ASIC4: variants seen among roughly 807,000 people sequenced by gnomAD.
ASIC4 encodes the protein acid-sensing ion channel 4.
A neutral mutation model predicts 53.4 loss-of-function variants in ASIC4; 28 were observed. The ratio of observed to expected loss-of-function variants is 0.52; its 90% CI spans 0.39 to 0.72. The LOEUF (loss-of-function observed/expected upper bound fraction) is 0.72. Ranked by LOEUF, ASIC4 falls within the 30% of genes least tolerant of loss-of-function variation. ASIC4 has a pLI of 0.00. For missense variants in ASIC4, 649 were observed against 729.7 expected (o/e 0.89, Z 1.27); for synonymous variants, 289 against 301.4 (o/e 0.96, Z 0.43).
intron 1 of ASIC4, among the ~76,000 whole-genome samples, chr2:219,522,740 G>T (rs1320093023): frequency 1.3e-5 from 2 of 152,002 alleles, no homozygotes; most frequent in African/African-American, 4.8e-5. Flanking sequence ...CCCCTCCCCG[G>T]CCGCCGCGGG....
chr2:219,511,011 C>T (rs571649561), upstream of ASIC4, among the ~76,000 whole-genome samples: 4 of 152,212 alleles, frequency 2.6e-5, no homozygotes, highest in African/African-American at 9.6e-5. This position sits in a 1 kb window ranked among gnomAD's most constrained non-coding sequence, Gnocchi z 5.3. Flanking sequence ...CCCAGCCCCC[C>T]CATCCTTGTC....
chr2:219,515,122 T>A lies in ASIC4; in HGVS notation c.398T>A (p.Ile133Asn). The change falls in exon 1 of 10, where the codon ATC (isoleucine) becomes AAC (asparagine). Residue 133 changes from isoleucine to asparagine, a missense_variant. Transcript: ENST00000358078. ...CATTCGGCACTCAGCGATGCCGACA[T>A]CTTCCACCTGGCCAATCTGACAGGG... is the stretch of plus-strand genomic sequence containing the variant. ...FRHSALSDAD[I>N]FHLANLTGLP... The A allele has an allele frequency of 6.2e-7, 1 of 1,614,120 alleles. No homozygotes were observed. The highest frequency in any genetic ancestry group is 8.5e-7 in the Non-Finnish European group (1 of 1,180,018).
At chr2:219,510,846 C>T (rs539932825), upstream of ASIC4, among the ~76,000 whole-genome samples, 1 of 152,056 alleles carries the variant, frequency 6.6e-6, no homozygotes, top group South Asian at 2.1e-4. This position sits in a 1 kb window ranked among gnomAD's most constrained non-coding sequence, Gnocchi z 5.2. Flanking sequence ...TCCCCACCCC[C>T]CTTCTCTGGG....
rs759549558 is a variant in ASIC4, at chr2:219,537,981, C to G, written c.1555C>G (p.Leu519Val). 3 of 1,612,930 alleles carry G rather than the reference C, an allele frequency of 1.9e-6. No individual in the cohort carries two copies. In the African/African-American group the frequency reaches 4.0e-5, roughly 22 times the overall value. The change falls in exon 10 of 10, where the codon CTG becomes GTG. Residue 519 changes from leucine (L) to valine (V), a missense_variant. By Grantham distance (32) the Leu-to-Val change is conservative. Coordinates refer to ENST00000358078, the MANE Select transcript of ASIC4 (RefSeq NM_018674.6). This position sits in a 1 kb window ranked among gnomAD's most constrained non-coding sequence, Gnocchi z 4.9. ...GRVEGGGVSS[L>V]LPNHHHPHGP... ...AGTGGAGGGTGGGGGGGTCAGCAGT[C>G]TGCTCCCCAATCACCACCACCCCCA...
intron 1 of ASIC4, among the ~76,000 whole-genome samples, chr2:219,522,090 C>T (rs1694893544): frequency 6.6e-6 from 1 of 152,100 alleles, no homozygotes; most frequent in Non-Finnish European, 1.5e-5. Flanking sequence ...GAAATCCAAC[C>T]CACCCCTCAA....
At chr2:219,522,990 G>T (rs1361485905) in intron 1 of ASIC4, among the ~76,000 whole-genome samples, 1 of 152,204 alleles carries the variant, frequency 6.6e-6, no homozygotes, top group South Asian at 2.1e-4. Context: ...CTCTGGGTGC[G>T]GGTGGGCCAG....
At chr2:219,513,107 CT>C (rs1219685256), upstream of ASIC4, among the ~76,000 whole-genome samples, 1 of 152,206 alleles carries the variant, frequency 6.6e-6, no homozygotes, top group African/African-American at 2.4e-5. Context: ...TGCCGTTTCC[CT>C]CAGATCGATT....
At chr2:219,535,496 ATGTG>A (rs1287615582) in intron 6 of ASIC4, among the ~76,000 whole-genome samples, 172 bp downstream of exon 6, 1 of 146,714 alleles carries the variant, frequency 6.8e-6, no homozygotes, top group Admixed American at 6.8e-5. Context: ...GTGTACATGC[ATGTG>A]TGTGTGTGTC....
chr2:219,521,826 C>T (rs895120807), intron 1 of ASIC4, among the ~76,000 whole-genome samples: 10 of 152,152 alleles, frequency 6.6e-5, no homozygotes, highest in African/African-American at 1.7e-4. Context: ...GAGGTGGGAA[C>T]GGCCAGCACT....
chr2:219,515,940 CCA>C (rs1292932085), intron 1 of ASIC4, among the ~76,000 whole-genome samples: 2 of 152,178 alleles, frequency 1.3e-5, no homozygotes, highest in African/African-American at 4.8e-5. Context: ...CTCCTGGGGT[CCA>C]GTCCCCCTCT....
upstream of ASIC4, among the ~76,000 whole-genome samples, chr2:219,512,169 C>A (rs1050875498): frequency 6.6e-5 from 10 of 152,078 alleles, no homozygotes; most frequent in Non-Finnish European, 1.3e-4. Context: ...CTGGAGCTCC[C>A]CTCACAGCAC....
Position 219,538,236 on chromosome 2 carries a change from A to C in ASIC4, c.*190A>C. The C allele has an allele frequency of 1.0e-5, 6 of 596,158 alleles. No individual in the cohort carries two copies. The highest frequency in any genetic ancestry group is 1.5e-5 in the Non-Finnish European group (5 of 336,220). 36.9% of individuals were successfully genotyped at this position (596,158 alleles called of 1,614,324 possible). A position where few individuals can be genotyped will look rare whatever the true frequency, so the allele number is the denominator to read the frequency against. ...AAGGTCCTTCTTGTCCACACCCCTT[A>C]TCCCCAGGCTGGTGCCCCGGGAGGG... is the stretch of plus-strand genomic sequence containing the variant. On this transcript the variant is annotated 3_prime_UTR_variant, in exon 10 of 10. Coordinates refer to ENST00000358078, the MANE Select transcript of ASIC4 (RefSeq NM_018674.6).
chr2:219,515,684 C>T (rs1368325225), intron 1 of ASIC4, among the ~76,000 whole-genome samples: 1 of 152,200 alleles, frequency 6.6e-6, no homozygotes, highest in African/African-American at 2.4e-5. Flanking sequence ...TCTCTTGCTC[C>T]CTTTTTCTTC....
chr2:219,509,979 T>C (rs115874994), upstream of ASIC4, among the ~76,000 whole-genome samples: 1,056 of 151,806 alleles, frequency 7.0e-3, 13 homozygotes, highest in African/African-American at 0.024. This position sits in a 1 kb window ranked among gnomAD's most constrained non-coding sequence, Gnocchi z 5.2. Context: ...CTGCTGCCCC[T>C]GACATGCATG....
intron 1 of ASIC4, among the ~76,000 whole-genome samples, chr2:219,520,022 A>G (rs1159102376): frequency 1.3e-5 from 2 of 152,040 alleles, no homozygotes; most frequent in Non-Finnish European, 2.9e-5. Context: ...GGAGGCGAAG[A>G]AACCCTGAGG....
At chr2:219,535,510 CTG>C (rs920037382) in intron 6 of ASIC4, among the ~76,000 whole-genome samples, 186 bp downstream of exon 6, 9 of 148,230 alleles carry the variant, frequency 6.1e-5, no homozygotes, top group African/African-American at 2.0e-4. Flanking sequence ...GTGTGTGTGT[CTG>C]TGTGGGGGGC....
At chr2:219,514,077 T>G, upstream of ASIC4, 2 of 475,286 alleles carry the variant, frequency 4.2e-6, no homozygotes, top group Non-Finnish European at 3.7e-6. Flanking sequence ...TGACCCTTCA[T>G]GGGGTGTGGG....
At chr2:219,532,266 G>T (rs1345546659) in intron 3 of ASIC4, 49 bp from the exon 4 acceptor site, 2 of 1,598,554 alleles carry the variant, frequency 1.3e-6, no homozygotes, top group South Asian at 1.1e-5. Context: ...GGCACTGGAG[G>T]ACTGGGTGGG....
chr2:219,533,243 G>A lies in ASIC4; in HGVS notation c.1075+304G>A, dbSNP rs1219294061. ...CTCACCCACTTTGAGAAAGTGAAAT[G>A]ACTTCTCTCTTGGTCTCAGGAAAAA... On this transcript the variant is annotated intron_variant, in intron 5 of 9. Transcript: ENST00000358078. 4 of 510,056 alleles carry A rather than the reference G, an allele frequency of 7.8e-6. No homozygotes were observed. The East Asian group carries it at 1.3e-4, about 17-fold the overall frequency. The allele number at this position is 510,056 out of a possible 1,614,324, so 31.6% of individuals were successfully genotyped here.
Sources: gnomAD v4.1 joint callset for allele counts (sites outside exome capture counted in the v4.1 genomes callset) on GRCh38, gnomAD v4.1.1 for gene constraint, Gnocchi (gnomAD v3.1) non-coding constraint, MANE v1.5 for transcripts, NCBI Gene and HGNC (gene_info 2026-07-23, HGNC 2026-07-21) for gene names.